SULT2A1: variants seen among roughly 807,000 people sequenced by gnomAD.
The protein encoded by SULT2A1 is sulfotransferase family 2A member 1.
Under a neutral mutation model 33.9 loss-of-function variants are expected in SULT2A1, and 43 were observed. The observed-to-expected ratio is 1.27, with a 90% CI of 1.00 to 1.64. The LOEUF is 1.64. Ranked by LOEUF, SULT2A1 falls within the 40% of genes most tolerant of loss-of-function variation. The pLI, the probability that SULT2A1 is intolerant of heterozygous loss-of-function variation, is 0.00. For synonymous variants in SULT2A1, 125 were observed against 113.6 expected (o/e 1.10, Z -0.64); for missense variants, 300 against 335.1 (o/e 0.90, Z 0.82).
rs748882283 is a variant in SULT2A1, at chr19:47,886,208, C to T, written c.50G>A (p.Gly17Asp). 18 of 1,613,992 alleles carry T rather than the reference C, an allele frequency of 1.1e-5. No homozygotes were observed. The highest frequency in any genetic ancestry group is 1.6e-4 in the Middle Eastern group (1 of 6,084). Residue 17 changes from glycine to aspartate, a missense_variant, in exon 1 of 6, where the codon GGT becomes GAT. Gly to Asp is a moderately conservative substitution (Grantham distance 94). Transcript: ENST00000222002. ...WFEGIAFPTMGFRSETLRKVR... is the reference protein window; with the variant it reads ...WFEGIAFPTMDFRSETLRKVR... ...TTTTCTTAAGGTTTCGGATCTGAAA[C>T]CCATAGTAGGGAAAGCTATGCCTTC...
chr19:47,871,964 C>T (rs1167815259), intron 5 of SULT2A1, among the ~76,000 whole-genome samples: 2 of 151,654 alleles, frequency 1.3e-5, no homozygotes, highest in African/African-American at 4.8e-5. Context: ...ATCCCTCAGG[C>T]TGGAGTGCAG....
intron 5 of SULT2A1, among the ~76,000 whole-genome samples, chr19:47,873,614 CTTTTTTTTTTTT>C (rs61271763): frequency 1.6e-5 from 1 of 62,062 alleles, no homozygotes; most frequent in Non-Finnish European, 2.7e-5. Context: ...GGACAGATCT[CTTTTTTTTTTTT>C]TTTTTTTTTT....
intron 5 of SULT2A1, among the ~76,000 whole-genome samples, chr19:47,874,155 T>G (rs1240604585): frequency 2.0e-5 from 3 of 151,936 alleles, no homozygotes; most frequent in Admixed American, 2.0e-4. Flanking sequence ...CGGAACCAAT[T>G]TTCCCCACCC....
At chr19:47,880,239 A>AAAG in intron 3 of SULT2A1, among the ~76,000 whole-genome samples, 1 of 149,606 alleles carries the variant, frequency 6.7e-6, no homozygotes, top group South Asian at 2.1e-4. Flanking sequence ...TCTGTCTCAA[A>AAAG]AAAAAAAAAA....
At chr19:47,874,144 G>A (rs1186771471) in intron 5 of SULT2A1, among the ~76,000 whole-genome samples, 1 of 152,142 alleles carries the variant, frequency 6.6e-6, no homozygotes, top group East Asian at 1.9e-4. Flanking sequence ...ACCTTCCCGG[G>A]CGGAACCAAT....
At chr19:47,879,526 G>C (rs998756850) in intron 3 of SULT2A1, among the ~76,000 whole-genome samples, 1 of 152,014 alleles carries the variant, frequency 6.6e-6, no homozygotes, top group African/African-American at 2.4e-5. Flanking sequence ...TGCCAGCAGG[G>C]GAAATGCCAG....
At chr19:47,872,930 T>A (rs1968506637) in intron 5 of SULT2A1, among the ~76,000 whole-genome samples, 1 of 151,768 alleles carries the variant, frequency 6.6e-6, no homozygotes, top group African/African-American at 2.4e-5. Context: ...CATGGCTAAT[T>A]TTTGTATTTT....
At position 47,879,117 on chromosome 19, in the gene SULT2A1, T is replaced by G. The variant is rs762545127; in HGVS notation, c.486A>C (p.Ser162=). The change falls in exon 4 of 6, where the codon TCA becomes TCC. Residue 162 remains serine, a synonymous_variant. Transcript: ENST00000222002. ...WFCQGTVLYG[S]WFDHIHGWMP... is the part of the protein sequence containing the mutation. The stretch of plus-strand genomic sequence containing the variant: ...TCCAGCCATGAATGTGGTCAAACCA[T>G]GACCCATATAGCACTGCATGGGGTG... 2.5e-5 allele frequency: 41 copies of G among 1,612,626 alleles called. No homozygotes were observed. Among genetic ancestry groups the G allele is most frequent in the Non-Finnish European group, 3.5e-5 (41 of 1,178,742 alleles).
At chr19:47,877,496 T>C (rs1194066935) in intron 4 of SULT2A1, among the ~76,000 whole-genome samples, 1 of 151,816 alleles carries the variant, frequency 6.6e-6, no homozygotes, top group East Asian at 1.9e-4. Context: ...TACTTTGGCC[T>C]CCCAAAGTGC....
chr19:47,871,787 G>A (rs1444573126), intron 5 of SULT2A1, among the ~76,000 whole-genome samples: 3 of 152,002 alleles, frequency 2.0e-5, no homozygotes, highest in East Asian at 1.9e-4. Flanking sequence ...CAGCAATAAC[G>A]CCAGTATATC....
chr19:47,882,722 C>T (rs568970701), intron 2 of SULT2A1, among the ~76,000 whole-genome samples: 7 of 152,116 alleles, frequency 4.6e-5, no homozygotes, highest in Admixed American at 2.0e-4. Context: ...CGAGACCAGC[C>T]TGGCCAACAT....
intron 1 of SULT2A1, 110 bp downstream of exon 1, chr19:47,886,012 C>T (rs1299260891): frequency 4.5e-6 from 6 of 1,338,968 alleles, no homozygotes; most frequent in African/African-American, 1.5e-5. Flanking sequence ...TTCCTCTCTT[C>T]CCCTTAAAGC....
intron 4 of SULT2A1, among the ~76,000 whole-genome samples, chr19:47,876,122 TCTC>T (rs1304500324): frequency 3.9e-5 from 6 of 152,074 alleles, no homozygotes; most frequent in South Asian, 2.1e-4. Context: ...CTCAAGCAAT[TCTC>T]CTGTCTCAAC....
At position 47,873,076 on chromosome 19, in the gene SULT2A1, C is replaced by T. The variant is rs930325198; in HGVS notation, c.746-1509G>A. Reference sequence around the variant, plus strand: ...CGTACCCGGCCAACGTTTACTTTTACGATTGCCCAAGACTCTGGGTCTTTT... The same window carrying T: ...CGTACCCGGCCAACGTTTACTTTTATGATTGCCCAAGACTCTGGGTCTTTT... On this transcript the variant is annotated intron_variant, in intron 5 of 5. Transcript: ENST00000222002. 7.3e-5 allele frequency among the ~76,000 whole-genome samples: 11 copies of T among 151,724 alleles called. 1 individual carries two copies. The highest frequency in any genetic ancestry group is 6.3e-4 in the South Asian group (3 of 4,800).
intron 3 of SULT2A1, among the ~76,000 whole-genome samples, chr19:47,880,067 T>G (rs1353371602): frequency 6.6e-6 from 1 of 151,496 alleles, no homozygotes; most frequent in Non-Finnish European, 1.5e-5. Flanking sequence ...AAACCCTGTC[T>G]CTACTAAAAA....
intron 3 of SULT2A1, among the ~76,000 whole-genome samples, chr19:47,879,665 A>C (rs1968582746): frequency 6.6e-6 from 1 of 151,858 alleles, no homozygotes; most frequent in Non-Finnish European, 1.5e-5. Context: ...CATTCTGAGC[A>C]AACTATCGCA....
chr19:47,877,121 T>C (rs1180659610), intron 4 of SULT2A1, among the ~76,000 whole-genome samples: 1 of 148,642 alleles, frequency 6.7e-6, no homozygotes, highest in African/African-American at 2.5e-5. Flanking sequence ...CCATAGGCCA[T>C]AGAGGATTGG....
intron 4 of SULT2A1, among the ~76,000 whole-genome samples, chr19:47,876,926 A>T (rs557860101): frequency 6.6e-6 from 1 of 151,522 alleles, no homozygotes; most frequent in East Asian, 2.0e-4. Flanking sequence ...TACAAAAAAA[A>T]ATTAGCTGGG....
Position 47,874,821 on chromosome 19 carries a change from G to A in SULT2A1, c.581C>T (p.Thr194Ile), listed in dbSNP as rs775399658. The A allele has an allele frequency of 6.2e-7, 1 of 1,613,406 alleles. No individual in the cohort carries two copies. The highest frequency in any genetic ancestry group is 1.1e-5 in the South Asian group (1 of 90,914). Reference protein sequence around the residue: ...YEELKQDTGRTIEKICQFLGK... With the variant: ...YEELKQDTGRIIEKICQFLGK... ...CAGGAATTGACAGATCTTCTCTATG[G>A]TTCTTCCTGTGTCCTAAAAAAGAAA... Residue 194 changes from threonine (T) to isoleucine (I), a missense_variant, in exon 5 of 6, where the codon ACC (threonine) becomes ATC (isoleucine). Physicochemically the swap from Thr to Ile is moderately conservative, Grantham distance 89. Transcript: ENST00000222002.
Sources: gnomAD v4.1 joint callset for allele counts (sites outside exome capture counted in the v4.1 genomes callset) on GRCh38, gnomAD v4.1.1 for gene constraint, MANE v1.5 for transcripts, NCBI Gene and HGNC (gene_info 2026-07-23, HGNC 2026-07-21) for gene names.